Variants in KLHL1 observed in about 807,000 individuals in gnomAD.
KLHL1 encodes the protein kelch like family member 1.
Under a neutral mutation model 77.7 loss-of-function variants are expected in KLHL1, and 47 were observed. The observed-to-expected ratio is 0.60, with a 90% CI of 0.48 to 0.77. The LOEUF (loss-of-function observed/expected upper bound fraction) is 0.77. Among genes scored for constraint, KLHL1 ranks in the 30% least tolerant of loss-of-function variants. KLHL1 has a pLI of 0.00. For synonymous variants in KLHL1, 360 were observed against 325.2 expected (o/e 1.11, Z -1.15); for missense variants, 925 against 910.8 (o/e 1.02, Z -0.20).
At chr13:69,781,707 G>GT (rs915696539) in intron 7 of KLHL1, among the ~76,000 whole-genome samples, 4 of 151,840 alleles carry the variant, frequency 2.6e-5, no homozygotes, top group African/African-American at 9.7e-5. Flanking sequence ...CATAAAATCC[G>GT]TTTTTTTGTC....
At chr13:69,971,749 C>A (rs527491777) in intron 2 of KLHL1, among the ~76,000 whole-genome samples, 1 of 152,062 alleles carries the variant, frequency 6.6e-6, no homozygotes, top group South Asian at 2.1e-4. Context: ...CCTTAATTAT[C>A]TTATGGTTTA....
At chr13:69,713,385 A>C (rs887683779) in intron 9 of KLHL1, among the ~76,000 whole-genome samples, 1 of 152,142 alleles carries the variant, frequency 6.6e-6, no homozygotes, top group Non-Finnish European at 1.5e-5. Context: ...AAAATCACAA[A>C]ACATTTCAAT....
intron 4 of KLHL1, among the ~76,000 whole-genome samples, chr13:69,903,559 A>G (rs1281548511): frequency 7.1e-6 from 1 of 141,732 alleles, no homozygotes; most frequent in Non-Finnish European, 1.5e-5. Flanking sequence ...GCTGTGTCTC[A>G]TTTGCAAACT....
intron 4 of KLHL1, among the ~76,000 whole-genome samples, chr13:69,897,752 C>T (rs753368164): frequency 3.9e-5 from 6 of 152,146 alleles, no homozygotes; most frequent in Non-Finnish European, 7.4e-5. Context: ...TCTACTGCTG[C>T]CACTGAATAA....
In KLHL1 at chr13:69,975,614, C is replaced by T. The variant is rs764810408; in HGVS notation, c.680+6G>A. 16 of 1,611,824 alleles carry T rather than the reference C, an allele frequency of 9.9e-6. No individual in the cohort carries two copies. Among genetic ancestry groups the T allele is most frequent in the South Asian group, 5.5e-5 (5 of 90,866 alleles). On this transcript the variant is annotated splice_donor_region_variant and intron_variant, in intron 2 of 10. Coordinates refer to ENST00000377844, the MANE Select transcript of KLHL1 (RefSeq NM_020866.3). ...GCATGTTTCCAGTAGAGGCAGACTA[C>T]TGTACCTATGTGCAGGTATCTTTCG...
At chr13:70,084,050 A>C (rs1887459007) in intron 1 of KLHL1, among the ~76,000 whole-genome samples, 1 of 152,206 alleles carries the variant, frequency 6.6e-6, no homozygotes, top group Non-Finnish European at 1.5e-5. Flanking sequence ...CTTTATGAAA[A>C]GTAGTTAATA....
At chr13:70,044,491 A>C (rs1055891998) in intron 1 of KLHL1, among the ~76,000 whole-genome samples, 3 of 152,188 alleles carry the variant, frequency 2.0e-5, no homozygotes, top group Non-Finnish European at 2.9e-5. Context: ...ACAAGTTTAC[A>C]TGAAAAAATA....
chr13:70,011,330 T>A (rs1447853943), intron 1 of KLHL1, among the ~76,000 whole-genome samples: 1 of 152,132 alleles, frequency 6.6e-6, no homozygotes, highest in East Asian at 1.9e-4. Context: ...ACAGATATTA[T>A]AAATTATACA....
chr13:69,823,450 T>TA (rs1276301782), intron 6 of KLHL1, among the ~76,000 whole-genome samples: 1 of 151,974 alleles, frequency 6.6e-6, no homozygotes, highest in Non-Finnish European at 1.5e-5. Context: ...AGCCAAAAAT[T>TA]AAAAAATCAT....
At chr13:69,815,120 T>G (rs1473754235) in intron 6 of KLHL1, among the ~76,000 whole-genome samples, 1 of 152,146 alleles carries the variant, frequency 6.6e-6, no homozygotes, top group Non-Finnish European at 1.5e-5. Flanking sequence ...GCAAATAACT[T>G]TAGTCCTTAC....
At chr13:70,016,880 G>C (rs1278100741) in intron 1 of KLHL1, among the ~76,000 whole-genome samples, 1 of 152,048 alleles carries the variant, frequency 6.6e-6, no homozygotes, top group Non-Finnish European at 1.5e-5. Context: ...AAATCAGCAT[G>C]TACTTCCTCC....
At chr13:69,776,832 A>C (rs775170436) in intron 7 of KLHL1, among the ~76,000 whole-genome samples, 4 of 152,184 alleles carry the variant, frequency 2.6e-5, no homozygotes, top group Non-Finnish European at 5.9e-5. Flanking sequence ...CTCTTCTCTT[A>C]ACAGCTCTTT....
At chr13:69,795,710 C>T (rs1485938576) in intron 7 of KLHL1, among the ~76,000 whole-genome samples, 1 of 151,984 alleles carries the variant, frequency 6.6e-6, no homozygotes, top group African/African-American at 2.4e-5. Context: ...AAATGCTGGC[C>T]CCAAATCATG....
At chr13:69,870,521 C>A (rs1170860660) in intron 5 of KLHL1, among the ~76,000 whole-genome samples, 1 of 152,004 alleles carries the variant, frequency 6.6e-6, no homozygotes, top group Non-Finnish European at 1.5e-5. Context: ...TACAAAATAT[C>A]ATCATGCCAC....
At chr13:69,927,010 A>G (rs939142519) in intron 4 of KLHL1, among the ~76,000 whole-genome samples, 2 of 149,400 alleles carry the variant, frequency 1.3e-5, no homozygotes, top group Admixed American at 6.7e-5. Flanking sequence ...ATTTTCACCA[A>G]TTTGATTTAC....
chr13:69,767,629 T>C (rs1199735023), intron 7 of KLHL1, among the ~76,000 whole-genome samples: 1 of 152,228 alleles, frequency 6.6e-6, no homozygotes, highest in East Asian at 1.9e-4. Flanking sequence ...AGAATTTTAA[T>C]AGATTGATCA....
intron 2 of KLHL1, among the ~76,000 whole-genome samples, chr13:69,966,566 C>T (rs1214738079): frequency 6.6e-6 from 1 of 152,086 alleles, no homozygotes; most frequent in Non-Finnish European, 1.5e-5. Flanking sequence ...TTTTGACTTT[C>T]AAGTCATATT....
chr13:70,017,925 A>C (rs1170743199), intron 1 of KLHL1, among the ~76,000 whole-genome samples: 1 of 152,182 alleles, frequency 6.6e-6, no homozygotes, highest in Non-Finnish European at 1.5e-5. Context: ...CTTTGTATTT[A>C]AATAAGAGTG....
At chr13:69,715,282 T>C (rs1007585940) in intron 9 of KLHL1, among the ~76,000 whole-genome samples, 2 of 152,048 alleles carry the variant, frequency 1.3e-5, no homozygotes, top group East Asian at 3.9e-4. Context: ...TGGGGGGTGA[T>C]TGGATAATGG....
Sources: allele counts gnomAD v4.1 joint callset (sites outside exome capture counted in the v4.1 genomes callset), GRCh38; gene constraint gnomAD v4.1.1; transcripts MANE v1.5; gene names NCBI Gene and HGNC (gene_info 2026-07-23, HGNC 2026-07-21).